COPB1: variants seen among roughly 807,000 people sequenced by gnomAD.
The protein encoded by COPB1 is coatomer subunit beta.
Under a neutral mutation model 108.7 loss-of-function variants are expected in COPB1, and 21 were observed. That is an observed-to-expected ratio of 0.19 (90% CI 0.14 to 0.28). The LOEUF is 0.28. Ranked by LOEUF, COPB1 falls within the 10% of genes least tolerant of loss-of-function variation. COPB1 has a pLI of 1.00. For synonymous variants in COPB1, 378 were observed against 386.8 expected, an observed-to-expected ratio of 0.98 and a Z score of 0.27; for missense variants, 919 against 1,141.3, an observed-to-expected ratio of 0.81 and a Z score of 2.81.
rs918063957 is a variant in COPB1, at chr11:14,466,276, C to T, written c.2290+6G>A. 1 of 1,612,286 alleles carries T rather than the reference C, an allele frequency of 6.2e-7. No homozygotes were observed. The highest frequency in any genetic ancestry group is 8.5e-7 in the Non-Finnish European group (1 of 1,179,114). ...AATCTCTTTCCTGAATGGTAAGTTT[C>T]CTCACCTAGTGTAGCTAGTTCTAAT... On this transcript the variant is annotated splice_donor_region_variant and intron_variant, in intron 17 of 21. Transcript: ENST00000439561.
intron 4 of COPB1, 99 bp downstream of exon 4, chr11:14,493,543 T>G (rs778371665): frequency 7.0e-5 from 69 of 985,402 alleles, no homozygotes; most frequent in Middle Eastern, 6.7e-4. Context: ...AAATATATCT[T>G]CAAGCTATAT....
chr11:14,459,057 C>A (rs540470707), intron 20 of COPB1, among the ~76,000 whole-genome samples: 90 of 152,300 alleles, frequency 5.9e-4, no homozygotes, highest in African/African-American at 2.1e-3. Context: ...TGTGAGCCAC[C>A]ACGCCCAGCC....
intron 20 of COPB1, 65 bp from the exon 21 acceptor site, chr11:14,458,752 A>C: frequency 2.4e-4 from 304 of 1,254,672 alleles, no homozygotes; most frequent in Non-Finnish European, 2.9e-4. Flanking sequence ...AAAACCAAAC[A>C]GCATAGGTGA....
chr11:14,466,638 GTT>G (rs1347695613), intron 16 of COPB1, among the ~76,000 whole-genome samples: 20 of 152,046 alleles, frequency 1.3e-4, no homozygotes, highest in Non-Finnish European at 1.8e-4. Context: ...ACATCTATTT[GTT>G]TTTAAGCTCA....
Position 14,494,420 on chromosome 11 carries a change from T to C in COPB1, c.111A>G (p.Ser37=). The C allele has an allele frequency of 6.3e-7, 1 of 1,581,404 alleles. No homozygotes were observed. The highest frequency in any genetic ancestry group is 1.7e-5 in the Admixed American group (1 of 57,290). Residue 37 remains serine (S), a synonymous_variant, in exon 3 of 22, where the codon TCA becomes TCG. Coordinates refer to ENST00000439561, the MANE Select transcript of COPB1 (RefSeq NM_001144061.2). ...TTACTTTCTTCAAAGCTTCAGTCTTTGACTTTACATCTCCTTTTTCTGAAT... is the reference window on the plus strand; with the variant it reads ...TTACTTTCTTCAAAGCTTCAGTCTTCGACTTTACATCTCCTTTTTCTGAAT... ...KNDLEKGDVK[S]KTEALKKVII... is the part of the protein sequence containing the mutation.
chr11:14,489,829 A>C (rs1850856381), intron 5 of COPB1, among the ~76,000 whole-genome samples: 1 of 152,220 alleles, frequency 6.6e-6, no homozygotes, highest in African/African-American at 2.4e-5. Flanking sequence ...AAATGTATTT[A>C]AAATCATTGA....
intron 2 of COPB1, among the ~76,000 whole-genome samples, chr11:14,495,658 C>T (rs908722061): frequency 6.6e-6 from 1 of 152,132 alleles, no homozygotes; most frequent in African/African-American, 2.4e-5. Flanking sequence ...GCCACCATGC[C>T]CAGTCTCAAC....
At chr11:14,492,794 G>A (rs950971017) in intron 4 of COPB1, among the ~76,000 whole-genome samples, 7 of 152,150 alleles carry the variant, frequency 4.6e-5, no homozygotes, top group Non-Finnish European at 2.9e-5. Context: ...TGATACCTGT[G>A]ACTGTAAAAA....
chr11:14,480,093 C>T (rs1850628878), intron 10 of COPB1, among the ~76,000 whole-genome samples: 1 of 152,192 alleles, frequency 6.6e-6, no homozygotes, highest in Non-Finnish European at 1.5e-5. Flanking sequence ...CATGAAGTGC[C>T]ATGCCTGACC....
At position 14,465,043 on chromosome 11, in the gene COPB1, G is replaced by A. The variant is rs748480662; in HGVS notation, c.2291-13C>T. On this transcript the variant is annotated splice_polypyrimidine_tract_variant and intron_variant, in intron 17 of 21. Transcript: ENST00000439561. ...AGTTTCAGATCCCCTGAAAGAAAGA[G>A]TTTGGATATGGTTAAAAATACACAC... is the stretch of plus-strand genomic sequence containing the variant. The A allele has an allele frequency of 2.6e-5, 41 of 1,597,738 alleles. No homozygotes were observed. The highest frequency in any genetic ancestry group is 3.5e-5 in the Non-Finnish European group (41 of 1,173,460).
chr11:14,488,727 C>G, intron 5 of COPB1, 143 bp from the exon 6 acceptor site: 1 of 428,210 alleles, frequency 2.3e-6, no homozygotes. Flanking sequence ...GGAAAAAAAT[C>G]AAGAATAAAA....
Position 14,458,667 on chromosome 11 carries a change from G to A in COPB1, c.2667C>T (p.Gly889=), listed in dbSNP as rs1850078930. Residue 889 remains glycine, a synonymous_variant, in exon 21 of 22, where the codon GGC becomes GGT. Coordinates refer to ENST00000439561, the MANE Select transcript of COPB1 (RefSeq NM_001144061.2). Reference sequence around the variant, plus strand: ...GAGCATAAAGGTTGGCTGCCATAAAGCCACAGTAACCAGAAAGGGCCTGGA... The same window carrying A: ...GAGCATAAAGGTTGGCTGCCATAAAACCACAGTAACCAGAAAGGGCCTGGA... ...TPEKALSGYC[G]FMAANLYARS... is the part of the protein sequence containing the mutation. The A allele has an allele frequency of 1.2e-6, 2 of 1,611,434 alleles. No homozygotes were observed. The highest frequency in any genetic ancestry group is 1.7e-6 in the Non-Finnish European group (2 of 1,179,042).
chr11:14,469,125 G>C (rs1162363053), intron 15 of COPB1, among the ~76,000 whole-genome samples: 1 of 152,088 alleles, frequency 6.6e-6, no homozygotes, highest in Non-Finnish European at 1.5e-5. Context: ...CTTCCAAGTA[G>C]CTGGAATGAC....
At chr11:14,491,693 G>A (rs1203696011) in intron 4 of COPB1, among the ~76,000 whole-genome samples, 5 of 148,826 alleles carry the variant, frequency 3.4e-5, no homozygotes, top group Non-Finnish European at 5.9e-5. Flanking sequence ...AAAAGGAACT[G>A]GTAGAAGGAA....
At chr11:14,461,462 G>C (rs993231595) in intron 18 of COPB1, 131 bp from the exon 19 acceptor site, 14 of 880,816 alleles carry the variant, frequency 1.6e-5, no homozygotes, top group Admixed American at 2.9e-5. Context: ...ATTATGTACA[G>C]AGCTCTATTC....
intron 4 of COPB1, among the ~76,000 whole-genome samples, chr11:14,491,117 C>A (rs1361659127): frequency 1.3e-5 from 2 of 151,824 alleles, no homozygotes; most frequent in Non-Finnish European, 2.9e-5. Context: ...GTGATCTCGG[C>A]TTACTGCAAC....
chr11:14,461,456 T>G (rs1341484825), intron 18 of COPB1, 125 bp from the exon 19 acceptor site: 1 of 925,656 alleles, frequency 1.1e-6, no homozygotes, highest in Non-Finnish European at 1.6e-6. Flanking sequence ...ATACTTATTA[T>G]GTACAGAGCT....
chr11:14,494,593 C>A (rs749220914), intron 2 of COPB1, 154 bp from the exon 3 acceptor site: 1 of 568,790 alleles, frequency 1.8e-6, no homozygotes, highest in East Asian at 2.8e-5. Context: ...AGGTTCTCCA[C>A]CTGGTTCTCC....
At chr11:14,489,126 G>A (rs1399155589) in intron 5 of COPB1, among the ~76,000 whole-genome samples, 3 of 152,112 alleles carry the variant, frequency 2.0e-5, no homozygotes, top group Non-Finnish European at 2.9e-5. Context: ...GCTCATATAC[G>A]CAGCTTTCTC....
Sources: allele counts gnomAD v4.1 joint callset (sites outside exome capture counted in the v4.1 genomes callset), GRCh38; gene constraint gnomAD v4.1.1; transcripts MANE v1.5; gene names NCBI Gene and HGNC (gene_info 2026-07-23, HGNC 2026-07-21).